Variants in ABCG1 observed in about 807,000 individuals in gnomAD.
The protein encoded by ABCG1 is ATP binding cassette subfamily G member 1, also known as ATP-binding cassette sub-family G member 1.
A neutral mutation model predicts 69.2 loss-of-function variants in ABCG1; 29 were observed. That is an observed-to-expected ratio of 0.42 (90% CI 0.31 to 0.57). ABCG1 has a LOEUF of 0.57. Among genes scored for constraint, ABCG1 ranks in the 20% least tolerant of loss-of-function variants. The pLI, the probability that ABCG1 is intolerant of heterozygous loss-of-function variation, is 0.15. For synonymous variants in ABCG1, 370 were observed against 374.8 expected, an observed-to-expected ratio of 0.99 and a Z score of 0.15; for missense variants, 718 against 898.1, an observed-to-expected ratio of 0.80 and a Z score of 2.56.
At chr21:42,283,659 CACCCAAAT>C (rs2068857833) in intron 6 of ABCG1, among the ~76,000 whole-genome samples, 1 of 142,306 alleles carries the variant, frequency 7.0e-6, no homozygotes, top group Non-Finnish European at 1.5e-5. Context: ...AGTCCCCCCC[CACCCAAAT>C]GAGTGGGGAA....
At position 42,285,136 on chromosome 21, in the gene ABCG1, G is replaced by C. The variant is rs567854657; in HGVS notation, c.858+453G>C. 6.6e-5 allele frequency among the ~76,000 whole-genome samples: 10 copies of C among 152,214 alleles called. No homozygotes were observed. In the East Asian group the frequency reaches 1.7e-3, roughly 26 times the overall value. The stretch of plus-strand genomic sequence containing the variant: ...CACCTCCCCTGTTAAAATGGGGGGA[G>C]GGGGGACACTTGTTTTCCAGAATTA... On this transcript the variant is annotated intron_variant, in intron 7 of 14. Coordinates refer to ENST00000398449, the MANE Select transcript of ABCG1 (RefSeq NM_016818.3).
At chr21:42,285,190 C>G (rs58980556) in intron 7 of ABCG1, among the ~76,000 whole-genome samples, 4,169 of 152,158 alleles carry the variant, frequency 0.027, 187 homozygotes, top group African/African-American at 0.091. Context: ...TGCACAGTAT[C>G]ATTTGGTTTA....
At chr21:42,252,332 T>C (rs1369234307) in intron 2 of ABCG1, among the ~76,000 whole-genome samples, 1 of 152,108 alleles carries the variant, frequency 6.6e-6, no homozygotes, top group African/African-American at 2.4e-5. Flanking sequence ...AGAGTTTGAA[T>C]TTGGGTTTGG....
At chr21:42,216,168 C>T (rs2067637713), upstream of ABCG1, 1 of 451,178 alleles carries the variant, frequency 2.2e-6, no homozygotes, top group Non-Finnish European at 4.4e-6. Context: ...GATCATGAGG[C>T]TTCCCCAGCC....
At chr21:42,208,856 G>A (rs1259277654) in intron 2 of ABCG1, among the ~76,000 whole-genome samples, 1 of 152,182 alleles carries the variant, frequency 6.6e-6, no homozygotes, top group Non-Finnish European at 1.5e-5. Context: ...CAGGACCTGA[G>A]GCAGAAGTTT....
chr21:42,231,608 C>T (rs1043975666), intron 2 of ABCG1, among the ~76,000 whole-genome samples: 2 of 152,192 alleles, frequency 1.3e-5, no homozygotes, highest in African/African-American at 4.8e-5. Context: ...TGAATAAATC[C>T]TTTCAGGAAT....
At chr21:42,233,816 A>C (rs550733351) in intron 2 of ABCG1, among the ~76,000 whole-genome samples, 1 of 152,260 alleles carries the variant, frequency 6.6e-6, no homozygotes. Flanking sequence ...CTGTAAACTG[A>C]TAAGGGTGGA....
At chr21:42,199,770 A>G (rs2067492693) in exon 1 of ABCG1, 1 of 152,190 alleles carries the variant, frequency 6.6e-6, no homozygotes, top group Non-Finnish European at 1.5e-5. Context: ...CACTTAAGGG[A>G]GTTTCTTCTT....
intron 13 of ABCG1, among the ~76,000 whole-genome samples, chr21:42,292,968 CCACACACTACA>C (rs2069101575): frequency 2.0e-5 from 3 of 147,132 alleles, no homozygotes; most frequent in Admixed American, 2.0e-4. Flanking sequence ...ACACTACACA[CCACACACTACA>C]CACACACCAC....
chr21:42,246,753 G>A (rs79207401), intron 2 of ABCG1, among the ~76,000 whole-genome samples: 2 of 152,154 alleles, frequency 1.3e-5, no homozygotes, highest in Non-Finnish European at 2.9e-5. Context: ...CAAGGCGCAG[G>A]CTGAGATTTT....
chr21:42,205,335 A>T (rs2067534879), intron 2 of ABCG1, among the ~76,000 whole-genome samples: 1 of 152,162 alleles, frequency 6.6e-6, no homozygotes. Flanking sequence ...ATGGTGGCTC[A>T]TGCCTGCAAT....
intron 2 of ABCG1, among the ~76,000 whole-genome samples, chr21:42,228,313 A>G (rs3787966): frequency 0.51 from 76,666 of 151,562 alleles, 21,295 homozygotes; most frequent in African/African-American, 0.75. Context: ...CAGACAGGAT[A>G]TGTCTGCTGT....
In ABCG1 at chr21:42,232,079, G is replaced by C. The variant is rs1285317394; in HGVS notation, c.286+6165G>C. Among the ~76,000 whole-genome samples the C allele has an allele frequency of 2.6e-5, 4 of 152,214 alleles. No homozygotes were observed. In the South Asian group the frequency reaches 6.2e-4, roughly 24 times the overall value. ...GGGTGGGCTACCACTCAGGCCCTGAGGGGTAGCACTCCTTTGGTGATGAGG... is the reference window on the plus strand; with the variant it reads ...GGGTGGGCTACCACTCAGGCCCTGACGGGTAGCACTCCTTTGGTGATGAGG... On this transcript the variant is annotated intron_variant, in intron 2 of 14. Coordinates refer to ENST00000398449, the MANE Select transcript of ABCG1 (RefSeq NM_016818.3).
intron 2 of ABCG1, among the ~76,000 whole-genome samples, chr21:42,245,058 G>T (rs2068111595): frequency 6.6e-6 from 1 of 152,222 alleles, no homozygotes; most frequent in Non-Finnish European, 1.5e-5. Context: ...ACGAGCTCAG[G>T]CCTGCAGTGG....
chr21:42,260,970 A>G (rs549685092), intron 2 of ABCG1, among the ~76,000 whole-genome samples: 1 of 151,868 alleles, frequency 6.6e-6, no homozygotes, highest in Non-Finnish European at 1.5e-5. Flanking sequence ...TACAGGCGCC[A>G]GCCACCACAC....
chr21:42,224,092 C>T (rs1262287030), intron 1 of ABCG1, among the ~76,000 whole-genome samples: 1 of 152,220 alleles, frequency 6.6e-6, no homozygotes, highest in Non-Finnish European at 1.5e-5. Context: ...GGGTAGAACC[C>T]AGCGCGTTCT....
In ABCG1 at chr21:42,284,615, C is replaced by A; in HGVS notation, c.790C>A (p.Gln264Lys). Reference protein sequence around the residue: ...QVVSLMKGLAQGGRSIICTIH... With the variant: ...QVVSLMKGLAKGGRSIICTIH... The stretch of plus-strand genomic sequence containing the variant: ...GGTCTCGCTGATGAAAGGGCTCGCT[C>A]AAGGGGGTCGCTCCATCATTTGCAC... Residue 264 changes from glutamine to lysine, a missense_variant, in exon 7 of 15, where the codon CAA (glutamine) becomes AAA (lysine). By Grantham distance (53) the Gln-to-Lys change is moderately conservative. Around this residue, in one of 2 missense-constraint regions of ABCG1, gnomAD observed 514 missense variants for 574.3 expected, o/e 0.90. Coordinates refer to ENST00000398449, the MANE Select transcript of ABCG1 (RefSeq NM_016818.3). 1 of 1,614,014 alleles carries A rather than the reference C, an allele frequency of 6.2e-7. No individual in the cohort carries two copies. The highest frequency in any genetic ancestry group is 8.5e-7 in the Non-Finnish European group (1 of 1,180,026).
chr21:42,225,580 C>G, intron 1 of ABCG1, 91 bp from the exon 2 acceptor site: 2 of 1,502,228 alleles, frequency 1.3e-6, no homozygotes, highest in South Asian at 2.4e-5. Flanking sequence ...TATTAATAAC[C>G]AATGACCCTG....
At chr21:42,275,923 C>A (rs1347970817) in intron 4 of ABCG1, among the ~76,000 whole-genome samples, 1 of 152,208 alleles carries the variant, frequency 6.6e-6, no homozygotes, top group African/African-American at 2.4e-5. Context: ...AAATGGCAGG[C>A]AGTGTCACAT....
Sources: gnomAD v4.1 joint callset for allele counts (sites outside exome capture counted in the v4.1 genomes callset) on GRCh38, gnomAD v4.1.1 for gene constraint, gnomAD v4.1.1 regional missense constraint, MANE v1.5 for transcripts, NCBI Gene and HGNC (gene_info 2026-07-23, HGNC 2026-07-21) for gene names.